Variants in ADGRL3 observed in about 807,000 individuals in gnomAD.
The protein encoded by ADGRL3 is calcium-independent alpha-latrotoxin receptor 3.
In ADGRL3, 62 loss-of-function variants were observed where a neutral mutation model predicts 153.5. That is an observed-to-expected ratio of 0.40 (90% CI 0.33 to 0.50). The LOEUF is 0.50. Ranked by LOEUF, ADGRL3 falls within the 20% of genes least tolerant of loss-of-function variation. The pLI is 0.47. For synonymous variants in ADGRL3, 710 were observed against 672.5 expected, an observed-to-expected ratio of 1.06 and a Z score of -0.86; for missense variants, 1,641 against 1,859.4, an observed-to-expected ratio of 0.88 and a Z score of 2.16.
intron 1 of ADGRL3, among the ~76,000 whole-genome samples, chr4:61,235,019 A>G (rs1752282350): frequency 6.6e-6 from 1 of 152,176 alleles, no homozygotes; most frequent in Non-Finnish European, 1.5e-5. Context: ...AAAACCAACC[A>G]AATAAGGTCC....
At chr4:61,610,768 C>A (rs2091230917) in intron 5 of ADGRL3, among the ~76,000 whole-genome samples, 2 of 147,512 alleles carry the variant, frequency 1.4e-5, no homozygotes, top group Non-Finnish European at 3.0e-5. Flanking sequence ...GCAAACAGAA[C>A]CTTACATTAA....
At chr4:61,462,934 G>A (rs553266351) in intron 2 of ADGRL3, among the ~76,000 whole-genome samples, 1 of 152,244 alleles carries the variant, frequency 6.6e-6, no homozygotes, top group South Asian at 2.1e-4. Flanking sequence ...CAACAGCCCA[G>A]TGCTCAGATG....
intron 4 of ADGRL3, among the ~76,000 whole-genome samples, chr4:61,567,434 A>C (rs556946560): frequency 6.6e-6 from 1 of 152,252 alleles, no homozygotes; most frequent in East Asian, 1.9e-4. Flanking sequence ...GAGCCCTGAT[A>C]AGTTGGATTA....
chr4:61,739,125 T>A (rs1268668488), intron 8 of ADGRL3, among the ~76,000 whole-genome samples: 2 of 152,134 alleles, frequency 1.3e-5, no homozygotes, highest in Non-Finnish European at 2.9e-5. Flanking sequence ...ATATAGCAAA[T>A]ATATTTGCAA....
intron 2 of ADGRL3, among the ~76,000 whole-genome samples, chr4:61,449,473 G>A (rs1412233567): frequency 6.6e-6 from 1 of 151,686 alleles, no homozygotes; most frequent in Non-Finnish European, 1.5e-5. Context: ...ATACTATTTG[G>A]ATAAAAAAGA....
chr4:61,652,251 A>T (rs1195610290), intron 5 of ADGRL3, among the ~76,000 whole-genome samples: 1 of 152,188 alleles, frequency 6.6e-6, no homozygotes, highest in Non-Finnish European at 1.5e-5. Flanking sequence ...TTTTATAATT[A>T]AAATAGGATT....
chr4:61,621,686 G>A (rs2092525020), intron 5 of ADGRL3, among the ~76,000 whole-genome samples: 1 of 151,934 alleles, frequency 6.6e-6, no homozygotes, highest in East Asian at 1.9e-4. Context: ...GGCTTATTTA[G>A]TTCTTCTAAA....
At chr4:61,490,797 G>A (rs1376089407) in intron 2 of ADGRL3, among the ~76,000 whole-genome samples, 1 of 151,830 alleles carries the variant, frequency 6.6e-6, no homozygotes, top group African/African-American at 2.4e-5. Flanking sequence ...ATGAATAATG[G>A]GAGGACCCAA....
At chr4:61,562,987 T>C (rs2098801771) in intron 4 of ADGRL3, among the ~76,000 whole-genome samples, 1 of 150,990 alleles carries the variant, frequency 6.6e-6, no homozygotes, top group African/African-American at 2.4e-5. Context: ...AATCATGAAT[T>C]ATTCTTTCCA....
chr4:61,895,936 A>G (rs1353453194), intron 11 of ADGRL3, 102 bp downstream of exon 11: 10 of 584,732 alleles, frequency 1.7e-5, no homozygotes, highest in South Asian at 6.1e-5. Context: ...TTTAAAATCA[A>G]TGTAGAAAAT....
chr4:61,204,808 C>T (rs780270327), intron 1 of ADGRL3, among the ~76,000 whole-genome samples: 1 of 152,048 alleles, frequency 6.6e-6, no homozygotes, highest in African/African-American at 2.4e-5. Flanking sequence ...GAGTGATAAG[C>T]CAGTATGTGA....
At chr4:61,393,748 G>C (rs1464360724) in intron 2 of ADGRL3, among the ~76,000 whole-genome samples, 1 of 152,036 alleles carries the variant, frequency 6.6e-6, no homozygotes, top group Admixed American at 6.6e-5. Context: ...AATTTGAAAT[G>C]CTAATGAATA....
chr4:61,707,256 G>A (rs527580904), intron 6 of ADGRL3, among the ~76,000 whole-genome samples: 1 of 152,190 alleles, frequency 6.6e-6, no homozygotes, highest in East Asian at 1.9e-4. Flanking sequence ...ATGAAAAGTT[G>A]GAATATTGCA....
At chr4:61,552,084 T>C (rs1377391355) in intron 4 of ADGRL3, among the ~76,000 whole-genome samples, 1 of 152,202 alleles carries the variant, frequency 6.6e-6, no homozygotes, top group Admixed American at 6.5e-5. Flanking sequence ...GTGTTTAAAA[T>C]ACGTGTGATT....
chr4:61,452,600 C>T (rs959701735), intron 2 of ADGRL3, among the ~76,000 whole-genome samples: 2 of 152,158 alleles, frequency 1.3e-5, no homozygotes, highest in East Asian at 1.9e-4. Flanking sequence ...TGAAATCATT[C>T]TCAGCTCTTG....
At chr4:61,345,043 C>T (rs1422594227) in intron 1 of ADGRL3, among the ~76,000 whole-genome samples, 1 of 151,628 alleles carries the variant, frequency 6.6e-6, no homozygotes, top group Admixed American at 6.6e-5. Context: ...GGTGATCCAT[C>T]CGCCTCGGCC....
At chr4:61,673,231 T>C (rs1037319768) in intron 5 of ADGRL3, among the ~76,000 whole-genome samples, 2 of 151,842 alleles carry the variant, frequency 1.3e-5, no homozygotes, top group Non-Finnish European at 2.9e-5. Flanking sequence ...GTTTCAGTAA[T>C]GCAGAATGAG....
chr4:61,972,417 C>T (rs2099031720), intron 17 of ADGRL3, among the ~76,000 whole-genome samples: 1 of 152,116 alleles, frequency 6.6e-6, no homozygotes, highest in African/African-American at 2.4e-5. Flanking sequence ...AATAGGGAAT[C>T]CTTTCCCCAT....
chr4:61,680,289 A>T (rs142862476), intron 6 of ADGRL3, among the ~76,000 whole-genome samples: 228 of 146,452 alleles, frequency 1.6e-3, no homozygotes, highest in Middle Eastern at 6.9e-3. Flanking sequence ...ATCCATTTCC[A>T]TTTCGAATTT....
Sources: gnomAD v4.1 joint callset for allele counts (sites outside exome capture counted in the v4.1 genomes callset) on GRCh38, gnomAD v4.1.1 for gene constraint, MANE v1.5 for transcripts, NCBI Gene and HGNC (gene_info 2026-07-23, HGNC 2026-07-21) for gene names.